PCDHGA6: variants seen among roughly 807,000 people sequenced by gnomAD.
PCDHGA6 encodes protocadherin gamma-A6.
Under a neutral mutation model 60.6 loss-of-function variants are expected in PCDHGA6, and 41 were observed. That is an observed-to-expected ratio of 0.68 (90% CI 0.53 to 0.88). The LOEUF (loss-of-function observed/expected upper bound fraction) is 0.88. Among genes scored for constraint, PCDHGA6 ranks in the 40% least tolerant of loss-of-function variants. The pLI is 0.00. For synonymous variants in PCDHGA6, 594 were observed against 524.4 expected, an observed-to-expected ratio of 1.13 and a Z score of -1.81; for missense variants, 1,312 against 1,203.0, an observed-to-expected ratio of 1.09 and a Z score of -1.34.
Position 141,376,094 on chromosome 5 carries a change from A to T in PCDHGA6, c.2011A>T (p.Ile671Phe). The T allele has an allele frequency of 6.2e-7, 1 of 1,613,544 alleles. No individual in the cohort carries two copies. ...GGCCGTGGCCGACAGGATCCCCGAC[A>T]TCCTGGCCGACCTGGGCAGCCTCGA... Reference protein sequence around the residue: ...TVAVADRIPDILADLGSLEPS... With the variant: ...TVAVADRIPDFLADLGSLEPS... The change falls in exon 1 of 4, where the codon ATC becomes TTC. Residue 671 changes from isoleucine (I) to phenylalanine (F), a missense_variant. Physicochemically the swap from Ile to Phe is conservative, Grantham distance 21 (BLOSUM62 0). Coordinates refer to ENST00000517434, the MANE Select transcript of PCDHGA6 (RefSeq NM_018919.3).
intron 1 of PCDHGA6, among the ~76,000 whole-genome samples, chr5:141,450,696 A>G (rs943551061): frequency 1.3e-5 from 2 of 152,164 alleles, no homozygotes; most frequent in East Asian, 3.9e-4. Flanking sequence ...CATGTTGCCC[A>G]GGATGGTCTC....
At chr5:141,388,893 G>A in intron 1 of PCDHGA6, 1 of 1,613,982 alleles carries the variant, frequency 6.2e-7, no homozygotes. Context: ...AGAAGTCATA[G>A]ATGAAAATGA....
At position 141,390,172 on chromosome 5, in the gene PCDHGA6, ATT is replaced by A. The variant is rs745723390; in HGVS notation, c.2424+13667_2424+13668del. 218 of 1,614,012 alleles carry A rather than the reference ATT, an allele frequency of 1.4e-4. 1 individual carries two copies. In the African/African-American group the frequency reaches 2.7e-3, roughly 20 times the overall value. ...GCACATACAGGAAAGACGGAGTTTA[ATT>A]TCCTAAAATGTAGTGAGCAGTTGAG... On this transcript the variant is annotated intron_variant, in intron 1 of 3. Transcript: ENST00000517434.
At chr5:141,418,326 C>T (rs1398536611) in intron 1 of PCDHGA6, 2 of 1,613,986 alleles carry the variant, frequency 1.2e-6, no homozygotes, top group Non-Finnish European at 1.7e-6. Context: ...ATTCTTGAGT[C>T]TGCAGAAGAT....
intron 1 of PCDHGA6, among the ~76,000 whole-genome samples, chr5:141,450,259 C>A (rs1243327669): frequency 6.6e-6 from 1 of 152,118 alleles, no homozygotes; most frequent in East Asian, 1.9e-4. Context: ...CTCAAGTGAT[C>A]TGCCCACCTC....
At chr5:141,410,701 A>C in intron 1 of PCDHGA6, 2 of 1,471,660 alleles carry the variant, frequency 1.4e-6, no homozygotes, top group Non-Finnish European at 9.1e-7. Context: ...TTATTTTCAT[A>C]TCTAGAATCA....
chr5:141,469,581 A>G (rs543624370), intron 1 of PCDHGA6, among the ~76,000 whole-genome samples: 1 of 152,340 alleles, frequency 6.6e-6, no homozygotes, highest in Admixed American at 6.5e-5. Flanking sequence ...CTCTAAATAA[A>G]TAAATAAATA....
intron 1 of PCDHGA6, chr5:141,379,407 A>G (rs750448486): frequency 1.2e-4 from 18 of 152,228 alleles, no homozygotes; most frequent in Admixed American, 2.6e-4. Flanking sequence ...AATCTTGGAT[A>G]TTAGTCTCAT....
Position 141,374,357 on chromosome 5 carries a change from C to A in PCDHGA6, c.274C>A (p.Arg92Ser). ...CTTGGTCACCGCGGGTAGGATAGAC[C>A]GCGAGGAGCTCTGTGCTCAGAGCCC... Reference protein sequence around the residue: ...GSLVTAGRIDREELCAQSPRC... With the variant: ...GSLVTAGRIDSEELCAQSPRC... Residue 92 changes from arginine (R) to serine (S), a missense_variant, in exon 1 of 4, where the codon CGC (arginine) becomes AGC (serine). Coordinates refer to ENST00000517434, the MANE Select transcript of PCDHGA6 (RefSeq NM_018919.3). 6.2e-7 allele frequency: 1 copy of A among 1,614,018 alleles called. No individual in the cohort carries two copies. Among genetic ancestry groups the A allele is most frequent in the Non-Finnish European group, 8.5e-7 (1 of 1,179,898 alleles).
chr5:141,393,879 G>A, intron 1 of PCDHGA6: 1 of 1,614,010 alleles, frequency 6.2e-7, no homozygotes, highest in Non-Finnish European at 8.5e-7. Context: ...GTTTAGCCCA[G>A]TGTTAGAAAA....
In PCDHGA6 at chr5:141,413,348, T is replaced by C. The variant is rs1217580039; in HGVS notation, c.2424+36841T>C. On this transcript the variant is annotated intron_variant, in intron 1 of 3. Transcript: ENST00000517434. The stretch of plus-strand genomic sequence containing the variant: ...GGCAACATCTCCAAGGACTTGGGTC[T>C]GGCGCCCCGGGAGCTGGCGGAGCGC... The C allele has an allele frequency of 1.9e-6, 3 of 1,613,872 alleles. No homozygotes were observed. In the Admixed American group the frequency reaches 5.0e-5, roughly 27 times the overall value.
At chr5:141,430,846 C>CCA in intron 1 of PCDHGA6, 1 of 1,576,346 alleles carries the variant, frequency 6.3e-7, no homozygotes, top group Non-Finnish European at 8.6e-7. Context: ...CCGGATGCAC[C>CCA]CAGATACGCT....
chr5:141,400,483 C>T (rs748464990), intron 1 of PCDHGA6: 1 of 1,614,020 alleles, frequency 6.2e-7, no homozygotes, highest in South Asian at 1.1e-5. Flanking sequence ...GGCCTTATTT[C>T]CACTTTGTAA....
At chr5:141,437,778 G>C (rs750813139) in intron 1 of PCDHGA6, among the ~76,000 whole-genome samples, 1 of 146,836 alleles carries the variant, frequency 6.8e-6, no homozygotes, top group Non-Finnish European at 1.5e-5. Flanking sequence ...TCAATCTGTC[G>C]CCAAGCTGGA....
chr5:141,451,978 T>A (rs1329730658), intron 1 of PCDHGA6, among the ~76,000 whole-genome samples: 1 of 152,188 alleles, frequency 6.6e-6, no homozygotes, highest in Non-Finnish European at 1.5e-5. Flanking sequence ...TTTGCTGTAG[T>A]TTGTTCATTA....
chr5:141,501,017 C>T (rs1383853662), intron 2 of PCDHGA6, among the ~76,000 whole-genome samples: 5 of 151,866 alleles, frequency 3.3e-5, no homozygotes, highest in African/African-American at 7.3e-5. Flanking sequence ...TACAGGCACG[C>T]GCCACCACGC....
intron 1 of PCDHGA6, chr5:141,389,691 T>G: frequency 6.2e-7 from 1 of 1,612,564 alleles, no homozygotes; most frequent in Non-Finnish European, 8.5e-7. Context: ...CGCCTGGCTG[T>G]CCTACCACGT....
chr5:141,422,433 T>C, intron 1 of PCDHGA6: 2 of 1,609,628 alleles, frequency 1.2e-6, no homozygotes. Context: ...ATGGAAATTA[T>C]TACAAATTGA....
chr5:141,398,408 A>G (rs2093653088), intron 1 of PCDHGA6: 1 of 1,473,232 alleles, frequency 6.8e-7, no homozygotes, highest in African/African-American at 1.4e-5. Flanking sequence ...GACAGGGAGG[A>G]GATATGCGGG....
Sources: allele counts gnomAD v4.1 joint callset (sites outside exome capture counted in the v4.1 genomes callset), GRCh38; gene constraint gnomAD v4.1.1; transcripts MANE v1.5; gene names NCBI Gene and HGNC (gene_info 2026-07-23, HGNC 2026-07-21).